The following NARS2 variants were observed in gnomAD, a reference collection of about 807,000 sequenced individuals.
The protein encoded by NARS2 is asparaginyl-tRNA synthetase 2, mitochondrial.
A neutral mutation model predicts 62.9 loss-of-function variants in NARS2; 60 were observed. The observed-to-expected ratio is 0.95, with a 90% CI of 0.77 to 1.18. The LOEUF (loss-of-function observed/expected upper bound fraction) is 1.18. Among genes scored for constraint, NARS2 ranks in the 50% most tolerant of loss-of-function variants. NARS2 has a pLI of 0.00. For synonymous variants in NARS2, 196 were observed against 200.0 expected, an observed-to-expected ratio of 0.98 and a Z score of 0.17; for missense variants, 619 against 576.4, an observed-to-expected ratio of 1.07 and a Z score of -0.76.
intron 5 of NARS2, among the ~76,000 whole-genome samples, chr11:78,553,701 T>C (rs76881109): frequency 0.024 from 3,625 of 152,318 alleles, 133 homozygotes; most frequent in African/African-American, 0.082. Context: ...TTCCATTCTG[T>C]AGGCTGTTTA....
chr11:78,571,080 C>T (rs1159964105), intron 2 of NARS2, among the ~76,000 whole-genome samples: 1 of 151,986 alleles, frequency 6.6e-6, no homozygotes, highest in Admixed American at 6.6e-5. Flanking sequence ...TTAAGGGAGC[C>T]GCAGGTAATT....
At chr11:78,567,931 T>C (rs1471756359) in intron 3 of NARS2, among the ~76,000 whole-genome samples, 1 of 152,202 alleles carries the variant, frequency 6.6e-6, no homozygotes, top group Non-Finnish European at 1.5e-5. Context: ...CTGGGCCTCA[T>C]TTTCTCCACT....
chr11:78,539,329 T>A (rs1255760435), intron 5 of NARS2, among the ~76,000 whole-genome samples: 3 of 152,024 alleles, frequency 2.0e-5, no homozygotes, highest in African/African-American at 7.2e-5. Context: ...AAAGGACGGA[T>A]AAATTAGATG....
intron 3 of NARS2, among the ~76,000 whole-genome samples, chr11:78,567,952 A>G (rs1464827795): frequency 6.6e-6 from 1 of 152,224 alleles, no homozygotes; most frequent in Non-Finnish European, 1.5e-5. Flanking sequence ...GTAAATTTAA[A>G]GAATTTCATT....
Position 78,520,100 on chromosome 11 carries a change from T to C in NARS2, c.689+8742A>G, listed in dbSNP as rs544672306. On this transcript the variant is annotated intron_variant, in intron 6 of 13. Coordinates refer to ENST00000281038, the MANE Select transcript of NARS2 (RefSeq NM_024678.6). The stretch of plus-strand genomic sequence containing the variant: ...TAATAATTCACGACTCATATACTCT[T>C]AAAGGTTGTATTAGTTTCCTAAGGC... 1.1e-4 allele frequency among the ~76,000 whole-genome samples: 16 copies of C among 152,308 alleles called. No individual in the cohort carries two copies. In the East Asian group the frequency reaches 2.7e-3, roughly 26 times the overall value.
intron 4 of NARS2, among the ~76,000 whole-genome samples, chr11:78,560,674 A>G (rs1016590526): frequency 6.6e-6 from 1 of 152,232 alleles, no homozygotes; most frequent in Non-Finnish European, 1.5e-5. Context: ...GCTATAATAC[A>G]AAGTATTCAG....
At chr11:78,550,158 C>T (rs971971849) in intron 5 of NARS2, among the ~76,000 whole-genome samples, 5 of 152,132 alleles carry the variant, frequency 3.3e-5, no homozygotes, top group Non-Finnish European at 7.4e-5. Context: ...TCCTAGAAAT[C>T]AGGAGAGGGA....
chr11:78,554,894 C>T (rs1360744734), intron 5 of NARS2, among the ~76,000 whole-genome samples: 1 of 152,150 alleles, frequency 6.6e-6, no homozygotes, highest in Non-Finnish European at 1.5e-5. Context: ...ATAATGTTGG[C>T]TGTGGGTTTG....
rs544238058 is a variant in NARS2, at chr11:78,440,964, C to T, written c.1289+127G>A. ...CTGAGCCCCCAACCCCTTCCCTGAC[C>T]TAAGAACAGTTAAGTTCATTGTTTT... On this transcript the variant is annotated intron_variant, in intron 13 of 13. Coordinates refer to ENST00000281038, the MANE Select transcript of NARS2 (RefSeq NM_024678.6). 18 of 805,658 alleles carry T rather than the reference C, an allele frequency of 2.2e-5. No homozygotes were observed. The East Asian group carries it at 4.4e-4, about 20-fold the overall frequency. 49.9% of individuals were successfully genotyped at this position (805,658 alleles called of 1,614,324 possible).
intron 6 of NARS2, among the ~76,000 whole-genome samples, chr11:78,514,073 C>T (rs756384186): frequency 1.8e-4 from 28 of 152,308 alleles, no homozygotes; most frequent in South Asian, 1.0e-3. Context: ...GTACAGCCTA[C>T]AAAACCGTTA....
intron 11 of NARS2, among the ~76,000 whole-genome samples, chr11:78,449,924 T>G (rs1327611096): frequency 6.6e-6 from 1 of 152,220 alleles, no homozygotes; most frequent in African/African-American, 2.4e-5. Context: ...ATGTCCACCC[T>G]GGTCTAAAAC....
At chr11:78,568,118 C>A (rs982481917) in intron 3 of NARS2, among the ~76,000 whole-genome samples, 1 of 152,228 alleles carries the variant, frequency 6.6e-6, no homozygotes, top group African/African-American at 2.4e-5. Context: ...CATCACCCAA[C>A]AGAACTTTCT....
intron 4 of NARS2, among the ~76,000 whole-genome samples, chr11:78,563,851 A>AAATATAT (rs1404770578): frequency 1.8e-4 from 6 of 34,020 alleles, no homozygotes; most frequent in Admixed American, 1.0e-3. Context: ...AAAAAAAAAA[A>AAATATAT]ATATATATAT....
chr11:78,488,728 G>T (rs1333703451), intron 7 of NARS2, among the ~76,000 whole-genome samples: 1 of 152,172 alleles, frequency 6.6e-6, no homozygotes, highest in Admixed American at 6.6e-5. Context: ...TAAGACTGTT[G>T]TTTTACTTGA....
intron 6 of NARS2, among the ~76,000 whole-genome samples, chr11:78,508,469 A>G (rs1269436151): frequency 2.6e-5 from 4 of 152,030 alleles, no homozygotes; most frequent in Non-Finnish European, 4.4e-5. Flanking sequence ...CATGCCTGCA[A>G]TCCCAGCTAC....
At chr11:78,563,365 G>A (rs1322252741) in intron 4 of NARS2, among the ~76,000 whole-genome samples, 2 of 151,202 alleles carry the variant, frequency 1.3e-5, no homozygotes, top group East Asian at 4.0e-4. Flanking sequence ...CTACAGGCAC[G>A]CAACACCACG....
chr11:78,475,580 CTTTTTTTT>C (rs377023107), intron 9 of NARS2, among the ~76,000 whole-genome samples: 1,310 of 93,914 alleles, frequency 0.014, 13 homozygotes, highest in African/African-American at 0.052. Flanking sequence ...TATCATTTGA[CTTTTTTTT>C]TTTTTTTTTT....
chr11:78,558,507 G>A (rs976142331), intron 5 of NARS2: 1 of 152,148 alleles, frequency 6.6e-6, no homozygotes, highest in Non-Finnish European at 1.5e-5. Context: ...ACATCTTAAA[G>A]ATAAAGAAAT....
At chr11:78,473,900 G>A (rs550484232) in intron 9 of NARS2, among the ~76,000 whole-genome samples, 9 of 152,034 alleles carry the variant, frequency 5.9e-5, no homozygotes, top group South Asian at 2.1e-4. Flanking sequence ...ATTCTGCTAC[G>A]TCTATTCTCA....
Sources: allele counts gnomAD v4.1 joint callset (sites outside exome capture counted in the v4.1 genomes callset), GRCh38; gene constraint gnomAD v4.1.1; transcripts MANE v1.5; gene names NCBI Gene and HGNC (gene_info 2026-07-23, HGNC 2026-07-21).